Variants in MROH2B observed in about 807,000 individuals in gnomAD.
MROH2B encodes the protein maestro heat-like repeat-containing protein family member 2B.
In MROH2B, 177 loss-of-function variants were observed where a neutral mutation model predicts 208.6. That is an observed-to-expected ratio of 0.85 (90% confidence interval 0.75 to 0.96). The LOEUF is 0.96. MROH2B is among the 40% of genes least tolerant of loss of function. The pLI is 0.00. For synonymous variants in MROH2B, 728 were observed against 659.0 expected, an observed-to-expected ratio of 1.10 and a Z score of -1.60; for missense variants, 2,002 against 1,878.7, an observed-to-expected ratio of 1.07 and a Z score of -1.21.
chr5:41,061,668 G>A lies in MROH2B; in HGVS notation c.517C>T (p.Pro173Ser). The A allele has an allele frequency of 1.2e-6, 2 of 1,613,912 alleles. No individual in the cohort carries two copies. Among genetic ancestry groups the A allele is most frequent in the Non-Finnish European group, 1.7e-6 (2 of 1,179,834 alleles). Reference protein sequence around the residue: ...YKYVNHWRDFPYPRLDANRLS... With the variant: ...YKYVNHWRDFSYPRLDANRLS... ...CGGTTGGCATCCAGTCTGGGGTAGGGAAAATCTCTCCAGTGGTTGACATAT... is the reference window on the plus strand; with the variant it reads ...CGGTTGGCATCCAGTCTGGGGTAGGAAAAATCTCTCCAGTGGTTGACATAT... The change falls in exon 6 of 42, where the codon CCC (proline) becomes TCC (serine). Residue 173 changes from proline to serine, a missense_variant. Coordinates refer to ENST00000399564, the MANE Select transcript of MROH2B (RefSeq NM_173489.5).
At chr5:41,068,102 T>C (rs1743866807) in intron 2 of MROH2B, among the ~76,000 whole-genome samples, 1 of 152,198 alleles carries the variant, frequency 6.6e-6, no homozygotes, top group Admixed American at 6.5e-5. Context: ...ATGTGTCCTC[T>C]GGATGATGAA....
At chr5:41,046,159 G>T (rs1049698956) in intron 17 of MROH2B, among the ~76,000 whole-genome samples, 2 of 151,492 alleles carry the variant, frequency 1.3e-5, no homozygotes, top group African/African-American at 4.9e-5. Flanking sequence ...GAAACTTAAA[G>T]TTGGCATTTT....
intron 24 of MROH2B, among the ~76,000 whole-genome samples, chr5:41,021,994 A>T (rs1742165762): frequency 6.6e-6 from 1 of 152,220 alleles, no homozygotes; most frequent in African/African-American, 2.4e-5. Context: ...GGAAAGGACA[A>T]TTTTTTAAAA....
At position 41,000,220 on chromosome 5, in the gene MROH2B, C is replaced by T; in HGVS notation, c.4482G>A (p.Leu1494=). 1 of 1,613,740 alleles carries T rather than the reference C, an allele frequency of 6.2e-7. No homozygotes were observed. Among genetic ancestry groups the T allele is most frequent in the African/African-American group, 1.3e-5 (1 of 75,030 alleles). Residue 1494 remains leucine (L), a splice_region_variant and synonymous_variant, in exon 39 of 42, where the codon CTG becomes CTA. Transcript: ENST00000399564. ...RDFYRQFCVK[L]AKKNQEILWI... is the part of the protein sequence containing the mutation. ...GAGGCGGCATCTATTGGACACTCACCAGTTTCACACAGAATTGCCTGTAGA... is the reference window on the plus strand; with the variant it reads ...GAGGCGGCATCTATTGGACACTCACTAGTTTCACACAGAATTGCCTGTAGA...
intron 41 of MROH2B, 56 bp from the exon 42 acceptor site, chr5:40,998,214 A>G: frequency 1.4e-6 from 2 of 1,465,280 alleles, no homozygotes; most frequent in Admixed American, 1.8e-5. Flanking sequence ...CCCAGCAAGA[A>G]GGGCAAACCA....
At chr5:41,018,139 G>C (rs1374423872) in intron 27 of MROH2B, among the ~76,000 whole-genome samples, 169 bp from the exon 28 acceptor site, 1 of 152,208 alleles carries the variant, frequency 6.6e-6, no homozygotes, top group South Asian at 2.1e-4. Flanking sequence ...CAGTGGAGAA[G>C]TAAGCATGCA....
intron 29 of MROH2B, among the ~76,000 whole-genome samples, chr5:41,014,370 AG>A (rs1193254591): frequency 6.6e-6 from 1 of 152,140 alleles, no homozygotes. Context: ...TCTCACTCAT[AG>A]GTGGGAATTG....
At chr5:41,037,066 T>C (rs1280805330) in intron 21 of MROH2B, among the ~76,000 whole-genome samples, 2 of 152,196 alleles carry the variant, frequency 1.3e-5, no homozygotes, top group African/African-American at 2.4e-5. Flanking sequence ...GACAAGGTCT[T>C]GCTCTGTCAA....
intron 19 of MROH2B, among the ~76,000 whole-genome samples, chr5:41,040,488 A>G (rs1213381893): frequency 6.6e-6 from 1 of 152,190 alleles, no homozygotes; most frequent in Non-Finnish European, 1.5e-5. Context: ...CACATGATTG[A>G]AAGCATTATG....
chr5:41,004,250 G>T, intron 37 of MROH2B, 96 bp downstream of exon 37: 5 of 1,409,718 alleles, frequency 3.5e-6, no homozygotes, highest in Non-Finnish European at 4.8e-6. Context: ...CAAGGAATAT[G>T]GGTGGGACAC....
At chr5:41,025,432 T>C (rs1742318829) in intron 24 of MROH2B, among the ~76,000 whole-genome samples, 1 of 152,146 alleles carries the variant, frequency 6.6e-6, no homozygotes, top group African/African-American at 2.4e-5. Context: ...CTAGAAGATC[T>C]AGAAGAAATG....
intron 8 of MROH2B, 23 bp downstream of exon 8, chr5:41,057,245 A>G (rs1481145178): frequency 6.2e-7 from 1 of 1,608,026 alleles, no homozygotes; most frequent in South Asian, 1.1e-5. Context: ...TAAAAATTGG[A>G]GTTGACAGCA....
At position 41,007,453 on chromosome 5, in the gene MROH2B, G is replaced by C; in HGVS notation, c.3610C>G (p.Leu1204Val). The C allele has an allele frequency of 6.4e-7, 1 of 1,564,744 alleles. No homozygotes were observed. The highest frequency in any genetic ancestry group is 8.6e-7 in the Non-Finnish European group (1 of 1,158,080). ...EQQQIPDPCRLSTATLKCLQA... is the reference protein window; with the variant it reads ...EQQQIPDPCRVSTATLKCLQA... The stretch of plus-strand genomic sequence containing the variant: ...AAACATTTTAAAGTAGCAGTTGAAA[G>C]CCTAAAGGAGACAGTCAGCATTACA... The change falls in exon 34 of 42, where the codon CTT (leucine) becomes GTT (valine). Residue 1204 changes from leucine to valine, a missense_variant and splice_region_variant. Leu to Val is a conservative substitution (Grantham distance 32). Transcript: ENST00000399564.
intron 24 of MROH2B, among the ~76,000 whole-genome samples, chr5:41,023,585 T>C (rs1203144160): frequency 2.0e-5 from 3 of 152,106 alleles, no homozygotes; most frequent in Non-Finnish European, 4.4e-5. Context: ...CTGAAAGTGA[T>C]GGGACCAAGT....
At chr5:41,022,480 A>C (rs1742184694) in intron 24 of MROH2B, among the ~76,000 whole-genome samples, 1 of 152,284 alleles carries the variant, frequency 6.6e-6, no homozygotes, top group African/African-American at 2.4e-5. Context: ...ATCGAACTGC[A>C]AGGTGGCAGC....
Position 41,049,296 on chromosome 5 carries a change from G to C in MROH2B, c.1485C>G (p.Val495=), listed in dbSNP as rs1372022866. ...QHSAKESTAL[V]VSTGAVKLPS... is the part of the protein sequence containing the mutation. Reference sequence around the variant, plus strand: ...TGTACAGACCAGCTCCTGTAGAGACGACAAGTGCTGTCGACTCCTTGGCAC... The same window carrying C: ...TGTACAGACCAGCTCCTGTAGAGACCACAAGTGCTGTCGACTCCTTGGCAC... The change falls in exon 14 of 42, where the codon GTC becomes GTG. Residue 495 remains valine, a synonymous_variant. Coordinates refer to ENST00000399564, the MANE Select transcript of MROH2B (RefSeq NM_173489.5). 1 of 1,613,434 alleles carries C rather than the reference G, an allele frequency of 6.2e-7. No homozygotes were observed. Among genetic ancestry groups the C allele is most frequent in the Non-Finnish European group, 8.5e-7 (1 of 1,179,652 alleles).
chr5:41,068,756 T>C (rs1219349906), intron 2 of MROH2B, among the ~76,000 whole-genome samples: 1 of 152,196 alleles, frequency 6.6e-6, no homozygotes, highest in Admixed American at 6.5e-5. Flanking sequence ...ATAGTGTTCT[T>C]TCGGAAAGGT....
At position 41,017,929 on chromosome 5, in the gene MROH2B, C is replaced by T. The variant is rs1358137475; in HGVS notation, c.2805G>A (p.Leu935=). 1 of 1,582,780 alleles carries T rather than the reference C, an allele frequency of 6.3e-7. No individual in the cohort carries two copies. The highest frequency in any genetic ancestry group is 1.8e-5 in the Admixed American group (1 of 54,928). Residue 935 remains leucine (L), a synonymous_variant, in exon 28 of 42, where the codon CTG becomes CTA. Transcript: ENST00000399564. ...GCAGGGTATCACAGGAGTGAGGAGC[C>T]AGAAGTCCAAGCAGTGAACCAATTT... The part of the protein sequence containing the change: ...NFKIGSLLGL[L]APHSCDTLPT...
rs373631073 is a variant in MROH2B, at chr5:41,004,920, G to A, written c.3865C>T (p.Leu1289Phe). 3.7e-6 allele frequency: 6 copies of A among 1,613,480 alleles called. No homozygotes were observed. Among genetic ancestry groups the A allele is most frequent in the South Asian group, 2.2e-5 (2 of 90,986 alleles). The change falls in exon 36 of 42, where the codon CTC (leucine) becomes TTC (phenylalanine). Residue 1289 changes from leucine (L) to phenylalanine (F), a missense_variant and splice_region_variant. Physicochemically the swap from Leu to Phe is conservative, Grantham distance 22. Transcript: ENST00000399564. ...TTCCAAAGGATTGGTTCCTTCATGA[G>A]CTGAAATAATCAACACACTCCTCCC... ...RITGAAFFSE[L>F]MKEPILWKHG...
Sources: gnomAD v4.1 joint callset for allele counts (sites outside exome capture counted in the v4.1 genomes callset) on GRCh38, gnomAD v4.1.1 for gene constraint, MANE v1.5 for transcripts, NCBI Gene and HGNC (gene_info 2026-07-23, HGNC 2026-07-21) for gene names.